CACNB4: variants seen among roughly 807,000 people sequenced by gnomAD.
The protein encoded by CACNB4 is voltage-dependent L-type calcium channel subunit beta-4.
In CACNB4, 32 loss-of-function variants were observed where a neutral mutation model predicts 71.2. The observed-to-expected ratio is 0.45, with a 90% CI of 0.34 to 0.60. The LOEUF (loss-of-function observed/expected upper bound fraction) is 0.60, where lower values mean the gene tolerates loss of function less well. Among genes scored for constraint, CACNB4 ranks in the 20% least tolerant of loss-of-function variants. The pLI is 0.01. For synonymous variants in CACNB4, 231 were observed against 236.9 expected (o/e 0.97, Z 0.23); for missense variants, 464 against 647.9 (o/e 0.72, Z 3.08).
chr2:152,044,280 G>A (rs1685026298), intron 2 of CACNB4, among the ~76,000 whole-genome samples: 1 of 152,038 alleles, frequency 6.6e-6, no homozygotes, highest in Non-Finnish European at 1.5e-5. Context: ...GAGTGCAGTG[G>A]AGCAATCTTG....
intron 2 of CACNB4, among the ~76,000 whole-genome samples, chr2:152,039,954 A>G (rs17397935): frequency 0.43 from 65,410 of 152,166 alleles, 16,196 homozygotes; most frequent in Non-Finnish European, 0.57. Context: ...GTTGACAAAG[A>G]TTAAAGTCAC....
chr2:152,018,344 G>GAGCA (rs1683463069), intron 2 of CACNB4, among the ~76,000 whole-genome samples: 1 of 151,938 alleles, frequency 6.6e-6, no homozygotes, highest in Admixed American at 6.6e-5. Flanking sequence ...TAAGACCTGG[G>GAGCA]AGCATCAGGG....
Position 151,877,310 on chromosome 2 carries a change from T to C in CACNB4, c.391-754A>G, listed in dbSNP as rs934899250. On this transcript the variant is annotated intron_variant, in intron 4 of 13. Coordinates refer to ENST00000539935, the MANE Select transcript of CACNB4 (RefSeq NM_000726.5). The stretch of plus-strand genomic sequence containing the variant: ...ACAGACAAACATCAACAAGTGAGCA[T>C]GGCTGTGTTTCAATAAAACTTTTCT... Among the ~76,000 whole-genome samples, 3 of 152,252 alleles carry C rather than the reference T, an allele frequency of 2.0e-5. No homozygotes were observed. The East Asian group carries it at 5.8e-4, about 29-fold the overall frequency.
At position 152,004,127 on chromosome 2, in the gene CACNB4, T is replaced by C. The variant is rs189057928; in HGVS notation, c.147+94203A>G. Among the ~76,000 whole-genome samples, 22 of 152,284 alleles carry C rather than the reference T, an allele frequency of 1.4e-4. No homozygotes were observed. The East Asian group carries it at 4.3e-3, about 29-fold the overall frequency. ...GAGCCACCGTGCCTGGTTGATTTGC[T>C]CAACTTTGACAAATCTTTGTAGGTA... On this transcript the variant is annotated intron_variant, in intron 2 of 13. Transcript: ENST00000539935.
At chr2:152,059,482 T>C (rs1685894955) in intron 2 of CACNB4, among the ~76,000 whole-genome samples, 1 of 152,238 alleles carries the variant, frequency 6.6e-6, no homozygotes, top group Admixed American at 6.5e-5. Flanking sequence ...ATTTAATGAC[T>C]GCCCTGTGGG....
At chr2:152,040,969 G>T (rs1227597268) in intron 2 of CACNB4, among the ~76,000 whole-genome samples, 1 of 152,140 alleles carries the variant, frequency 6.6e-6, no homozygotes, top group Non-Finnish European at 1.5e-5. Context: ...CCCCATGTTG[G>T]TCATCTTGGC....
chr2:151,972,187 A>T (rs968751096), intron 2 of CACNB4: 1 of 152,246 alleles, frequency 6.6e-6, no homozygotes, highest in Non-Finnish European at 1.5e-5. Context: ...TTCCTAGCCA[A>T]CTCTTCACAG....
At chr2:151,861,614 G>A (rs1295378569) in intron 9 of CACNB4, 2 of 152,102 alleles carry the variant, frequency 1.3e-5, no homozygotes, top group South Asian at 2.1e-4. Flanking sequence ...AGGCCGACAT[G>A]GGTGGATCAT....
At position 151,998,315 on chromosome 2, in the gene CACNB4, CAA is replaced by C. The variant is rs70974815; in HGVS notation, c.147+100013_147+100014del. ...AATCCAGCCTGGGCAACTCCATCTC[CAA>C]AAAAAAAAAAAAAAAAAAAAAAAAA... is the stretch of plus-strand genomic sequence containing the variant. On this transcript the variant is annotated intron_variant, in intron 2 of 13. Coordinates refer to ENST00000539935, the MANE Select transcript of CACNB4 (RefSeq NM_000726.5). Among the ~76,000 whole-genome samples, 46 of 110,678 alleles carry C rather than the reference CAA, an allele frequency of 4.2e-4. No homozygotes were observed. In the East Asian group the frequency reaches 9.3e-3, roughly 22 times the overall value. 72.6% of individuals were successfully genotyped at this position (110,678 alleles called of 152,430 possible). A position where few individuals can be genotyped will look rare whatever the true frequency, so the allele number is the denominator to read the frequency against.
chr2:152,060,750 A>G (rs11901937), intron 2 of CACNB4, among the ~76,000 whole-genome samples: 8,273 of 152,282 alleles, frequency 0.054, 737 homozygotes, highest in African/African-American at 0.19. Flanking sequence ...TCTACACATC[A>G]GATTAACAGT....
intron 2 of CACNB4, among the ~76,000 whole-genome samples, chr2:151,937,653 C>A (rs542962177): frequency 6.6e-6 from 1 of 152,310 alleles, no homozygotes; most frequent in African/African-American, 2.4e-5. Flanking sequence ...GGGGGTCATT[C>A]ATGCTCCCCA....
chr2:151,898,055 T>C (rs762801485), intron 2 of CACNB4, among the ~76,000 whole-genome samples: 11 of 152,340 alleles, frequency 7.2e-5, no homozygotes, highest in Middle Eastern at 3.4e-3. Context: ...ACTAAAGGTA[T>C]TGGCTGAAAT....
rs562554837 is a variant in CACNB4, at chr2:151,875,857, A to G, written c.521+569T>C. ...CGCCTGGCGGGGGGCTGACCCCCCC[A>G]TCTCCCTCCCGGACGGGGCGGCTGG... is the stretch of plus-strand genomic sequence containing the variant. On this transcript the variant is annotated intron_variant, in intron 5 of 13. Transcript: ENST00000539935. Among the ~76,000 whole-genome samples the G allele has an allele frequency of 2.3e-5, 3 of 128,080 alleles. No individual in the cohort carries two copies. In the South Asian group the frequency reaches 8.3e-4, roughly 35 times the overall value. 84.0% of individuals were successfully genotyped at this position (128,080 alleles called of 152,430 possible). A position where few individuals can be genotyped will look rare whatever the true frequency, so the allele number is the denominator to read the frequency against.
chr2:152,012,623 A>G (rs563506035), intron 2 of CACNB4, among the ~76,000 whole-genome samples: 2 of 151,568 alleles, frequency 1.3e-5, no homozygotes, highest in East Asian at 3.9e-4. Context: ...AAAAAAGTGT[A>G]AAAAGTAAAA....
At chr2:151,967,901 G>A (rs902187727) in intron 2 of CACNB4, 1 of 151,972 alleles carries the variant, frequency 6.6e-6, no homozygotes, top group African/African-American at 2.4e-5. Flanking sequence ...TAAAAAGAGA[G>A]GAAAATATTT....
intron 2 of CACNB4, among the ~76,000 whole-genome samples, chr2:151,992,443 A>G (rs996248244): frequency 1.8e-4 from 28 of 152,378 alleles, no homozygotes; most frequent in African/African-American, 6.5e-4. Context: ...TAAGAACAAA[A>G]TGCAAGAGCA....
chr2:151,948,497 T>A (rs1424440549), intron 2 of CACNB4, among the ~76,000 whole-genome samples: 1 of 151,656 alleles, frequency 6.6e-6, no homozygotes, highest in Non-Finnish European at 1.5e-5. Context: ...CCTGTCTCTA[T>A]AAAAAATATA....
intron 2 of CACNB4, among the ~76,000 whole-genome samples, chr2:151,895,220 C>T (rs1192999703): frequency 6.6e-6 from 1 of 151,118 alleles, no homozygotes. Context: ...AGCTACAGTA[C>T]CTAAAACAGC....
At chr2:151,884,509 C>T (rs555541412) in intron 2 of CACNB4, among the ~76,000 whole-genome samples, 12 of 150,606 alleles carry the variant, frequency 8.0e-5, no homozygotes, top group African/African-American at 2.9e-4. Flanking sequence ...TGGCGGGCGC[C>T]TGTAGTCCCC....
Sources: allele counts gnomAD v4.1 joint callset (sites outside exome capture counted in the v4.1 genomes callset), GRCh38; gene constraint gnomAD v4.1.1; transcripts MANE v1.5; gene names NCBI Gene and HGNC (gene_info 2026-07-23, HGNC 2026-07-21).